The following NAA16 variants were observed in gnomAD, a reference collection of about 807,000 sequenced individuals.
NAA16 encodes the protein N-alpha-acetyltransferase 16, NatA auxiliary subunit, also known as NARG1-like protein.
In NAA16, 97 loss-of-function variants were observed where a neutral mutation model predicts 110.3. That is an observed-to-expected ratio of 0.88 (90% CI 0.75 to 1.04). NAA16 has a LOEUF of 1.04. Ranked by LOEUF, NAA16 falls within the 50% of genes least tolerant of loss-of-function variation. The probability of loss-of-function intolerance (pLI) is 0.00; values close to 1 mark genes in which losing one functional copy is unlikely to be tolerated. For missense variants in NAA16, 1,017 were observed against 1,005.1 expected, an observed-to-expected ratio of 1.01 and a Z score of -0.16; for synonymous variants, 372 against 330.6, an observed-to-expected ratio of 1.13 and a Z score of -1.36.
chr13:41,347,192 G>A (rs566098849), intron 9 of NAA16, among the ~76,000 whole-genome samples: 3 of 141,012 alleles, frequency 2.1e-5, no homozygotes, highest in South Asian at 2.3e-4. Flanking sequence ...CTCCAGCGTG[G>A]CGACAGAGCG....
intron 4 of NAA16, among the ~76,000 whole-genome samples, chr13:41,321,047 C>G (rs995432664): frequency 6.6e-6 from 1 of 152,204 alleles, no homozygotes; most frequent in Non-Finnish European, 1.5e-5. Flanking sequence ...CGCCTGTAAT[C>G]CCAGCAGTTT....
rs762917346 is a variant in NAA16, at chr13:41,325,751, T to C, written c.591T>C (p.Asn197=). 4.5e-5 allele frequency: 72 copies of C among 1,603,682 alleles called. No individual in the cohort carries two copies. The Admixed American group carries it at 1.2e-3, about 26-fold the overall frequency. Residue 197 remains asparagine, a synonymous_variant, in exon 6 of 20, where the codon AAT becomes AAC. Coordinates refer to ENST00000379406, the MANE Select transcript of NAA16 (RefSeq NM_024561.5). ...YEYSELILYQ[N]QVMREADLLQ... Reference sequence around the variant, plus strand: ...ATAGTGAATTGATATTATACCAGAATCAAGTGATGAGAGAGGCAGATCTGT... The same window carrying C: ...ATAGTGAATTGATATTATACCAGAACCAAGTGATGAGAGAGGCAGATCTGT...
chr13:41,343,686 C>T (rs1326437021), intron 9 of NAA16, among the ~76,000 whole-genome samples: 1 of 152,138 alleles, frequency 6.6e-6, no homozygotes, highest in African/African-American at 2.4e-5. Flanking sequence ...CACACCGCCA[C>T]ACCCGGCTAA....
At chr13:41,312,540 A>G (rs1031262829) in intron 1 of NAA16, among the ~76,000 whole-genome samples, 1 of 152,134 alleles carries the variant, frequency 6.6e-6, no homozygotes, top group African/African-American at 2.4e-5. Context: ...TGTCTTTTCT[A>G]GTTTATCTTT....
At chr13:41,347,769 G>A (rs2042724530) in intron 9 of NAA16, among the ~76,000 whole-genome samples, 1 of 152,116 alleles carries the variant, frequency 6.6e-6, no homozygotes, top group Non-Finnish European at 1.5e-5. Flanking sequence ...TTTTCTATGT[G>A]CAACATCATG....
intron 5 of NAA16, among the ~76,000 whole-genome samples, chr13:41,325,152 C>T (rs2042058690): frequency 6.6e-6 from 1 of 151,894 alleles, no homozygotes; most frequent in African/African-American, 2.4e-5. Flanking sequence ...GACGGGGTTT[C>T]ACCATGTTGG....
At chr13:41,317,429 TA>T (rs2041837912) in intron 2 of NAA16, among the ~76,000 whole-genome samples, 1 of 152,212 alleles carries the variant, frequency 6.6e-6, no homozygotes, top group East Asian at 1.9e-4. Flanking sequence ...ACACTGGTGT[TA>T]ATAAAGTTTG....
In NAA16 at chr13:41,372,218, G is replaced by A. The variant is rs761282606; in HGVS notation, c.1963G>A (p.Glu655Lys). The change falls in exon 16 of 20, where the codon GAG becomes AAG. Residue 655 changes from glutamate (E) to lysine (K), a missense_variant. Glu to Lys is a moderately conservative substitution (Grantham distance 56). Coordinates refer to ENST00000379406, the MANE Select transcript of NAA16 (RefSeq NM_024561.5). The stretch of plus-strand genomic sequence containing the variant: ...TTCAAAATAGGTAGAAAATCCATTA[G>A]AGGAAGCCGTTAAGTTCCTTATACC... The part of the protein sequence containing the change: ...EKLERVENPL[E>K]EAVKFLIPLK... 3 of 1,572,762 alleles carry A rather than the reference G, an allele frequency of 1.9e-6. No homozygotes were observed. The African/African-American group carries it at 4.1e-5, about 22-fold the overall frequency.
chr13:41,327,106 G>GT (rs1263504240), intron 6 of NAA16, among the ~76,000 whole-genome samples: 1 of 151,616 alleles, frequency 6.6e-6, no homozygotes, highest in African/African-American at 2.4e-5. Flanking sequence ...AGTAGTGTAT[G>GT]TTTTTTTTCC....
rs910323695 is a variant in NAA16, at chr13:41,352,016, T to G, written c.1015-3128T>G. ...TCTTAGATTAACTTTCATAGAAAAT[T>G]TAGAAAATTGTTCACTTAATTACTG... On this transcript the variant is annotated intron_variant, in intron 9 of 19. Coordinates refer to ENST00000379406, the MANE Select transcript of NAA16 (RefSeq NM_024561.5). 7.9e-5 allele frequency among the ~76,000 whole-genome samples: 12 copies of G among 152,178 alleles called. 1 individual carries two copies. The highest frequency in any genetic ancestry group is 2.4e-4 in the African/African-American group (10 of 41,440).
chr13:41,369,433 A>G (rs965796737), intron 15 of NAA16, 150 bp downstream of exon 15: 6 of 860,704 alleles, frequency 7.0e-6, no homozygotes, highest in Non-Finnish European at 6.6e-6. Context: ...TTTGAGTGAC[A>G]GTATACAAAT....
At chr13:41,366,609 A>C (rs1316523514) in intron 13 of NAA16, among the ~76,000 whole-genome samples, 1 of 152,158 alleles carries the variant, frequency 6.6e-6, no homozygotes, top group African/African-American at 2.4e-5. Context: ...GGATCCATTG[A>C]AAATTGGATG....
In NAA16 at chr13:41,325,850, A is replaced by G; in HGVS notation, c.690A>G (p.Lys230=). ...ATAAACTTTTGGTGGAAGAAATTAA[A>G]GGTAAGTTGGCTTGCCTTTTTTTAA... The part of the protein sequence containing the change: ...ICDKLLVEEI[K]GEILLKLGRL... Residue 230 remains lysine (K), a splice_region_variant and synonymous_variant, in exon 6 of 20, where the codon AAA becomes AAG. Transcript: ENST00000379406. 6.3e-7 allele frequency: 1 copy of G among 1,595,846 alleles called. No individual in the cohort carries two copies. The highest frequency in any genetic ancestry group is 2.2e-5 in the East Asian group (1 of 44,530).
intron 9 of NAA16, among the ~76,000 whole-genome samples, chr13:41,353,768 TACACACAC>T (rs58020530): frequency 0.071 from 10,354 of 146,686 alleles, 461 homozygotes; most frequent in African/African-American, 0.11. Context: ...CCCTGTCTCT[TACACACAC>T]ACACACACAC....
chr13:41,373,660 G>T lies in NAA16; in HGVS notation c.2179G>T (p.Asp727Tyr). The T allele has an allele frequency of 1.9e-6, 3 of 1,606,470 alleles. No homozygotes were observed. The highest frequency in any genetic ancestry group is 2.2e-5 in the South Asian group (2 of 89,540). ...KSVSNHSNLP[D>Y]IVSKVLSQEM... ...AGTGTCTAATCATAGTAATCTTCCA[G>T]ACATTGTGAGCAAAGTTCTATCTCA... The change falls in exon 18 of 20, where the codon GAC (aspartate) becomes TAC (tyrosine). Residue 727 changes from aspartate (D) to tyrosine (Y), a missense_variant. Physicochemically the swap from Asp to Tyr is radical, Grantham distance 160. Coordinates refer to ENST00000379406, the MANE Select transcript of NAA16 (RefSeq NM_024561.5).
chr13:41,360,200 C>T (rs919212861), intron 12 of NAA16, among the ~76,000 whole-genome samples: 1 of 152,120 alleles, frequency 6.6e-6, no homozygotes, highest in East Asian at 1.9e-4. Flanking sequence ...TTGAGCATCC[C>T]AAATCTAAAA....
Position 41,375,626 on chromosome 13 carries a change from A to G in NAA16, c.*24A>G, listed in dbSNP as rs756222255. 6 of 1,556,156 alleles carry G rather than the reference A, an allele frequency of 3.9e-6. No individual in the cohort carries two copies. The highest frequency in any genetic ancestry group is 1.2e-5 in the South Asian group (1 of 85,562). ...GAAATCTTCTAGAAAGTAGACTCCT[A>G]TAGACTCAAAGCTGAATTGAGATCA... On this transcript the variant is annotated 3_prime_UTR_variant, in exon 20 of 20. Transcript: ENST00000379406.
At chr13:41,321,863 A>G (rs951682213) in intron 4 of NAA16, among the ~76,000 whole-genome samples, 15 of 152,212 alleles carry the variant, frequency 9.9e-5, no homozygotes, top group African/African-American at 3.1e-4. Flanking sequence ...CTACTGCCAT[A>G]TAAGCCCTCA....
At chr13:41,337,676 G>T (rs1317901036) in intron 9 of NAA16, among the ~76,000 whole-genome samples, 1 of 151,862 alleles carries the variant, frequency 6.6e-6, no homozygotes, top group Non-Finnish European at 1.5e-5. Flanking sequence ...CTAAAATCTT[G>T]TTGTCTTTTC....
Sources: allele counts gnomAD v4.1 joint callset (sites outside exome capture counted in the v4.1 genomes callset), GRCh38; gene constraint gnomAD v4.1.1; transcripts MANE v1.5; gene names NCBI Gene and HGNC (gene_info 2026-07-23, HGNC 2026-07-21).